Variants in BCAN observed in about 807,000 individuals in gnomAD.
BCAN encodes the protein brevican.
A neutral mutation model predicts 92.4 loss-of-function variants in BCAN; 51 were observed. The observed-to-expected ratio is 0.55, with a 90% CI of 0.44 to 0.70. The LOEUF (loss-of-function observed/expected upper bound fraction) is 0.70, where lower values mean the gene tolerates loss of function less well. BCAN is among the 30% of genes least tolerant of loss of function. The probability of loss-of-function intolerance (pLI) is 0.00; values close to 1 mark genes in which losing one functional copy is unlikely to be tolerated. For missense variants in BCAN, 1,140 were observed against 1,212.1 expected, an observed-to-expected ratio of 0.94 and a Z score of 0.88; for synonymous variants, 501 against 505.2, an observed-to-expected ratio of 0.99 and a Z score of 0.11.
chr1:156,658,956 C>A lies in BCAN; in HGVS notation c.2629-71C>A. On this transcript the variant is annotated intron_variant, in intron 13 of 13. Transcript: ENST00000329117. The surrounding 1 kb of genome is among the most constrained non-coding windows in gnomAD (Gnocchi z 4.4). ...TGGGCTCTTACGGGCTGAGCAAGAA[C>A]ATCAGAGGGCAGGCTCTGAGGAGAG... 1.4e-6 allele frequency: 2 copies of A among 1,432,660 alleles called. No individual in the cohort carries two copies. The highest frequency in any genetic ancestry group is 1.9e-6 in the Non-Finnish European group (2 of 1,045,280). 88.7% of individuals were successfully genotyped at this position (1,432,660 alleles called of 1,614,324 possible). A position where few individuals can be genotyped will look rare whatever the true frequency, so the allele number is the denominator to read the frequency against.
chr1:156,652,997 A>G (rs1557990697), intron 8 of BCAN, 105 bp downstream of exon 8: 25 of 1,545,400 alleles, frequency 1.6e-5, no homozygotes, highest in Non-Finnish European at 2.2e-5. Context: ...CATCATCCCA[A>G]ACTCTCCTGT....
chr1:156,651,469 T>C lies in BCAN; in HGVS notation c.1077T>C (p.Pro359=). The C allele has an allele frequency of 6.2e-7, 1 of 1,613,828 alleles. No individual in the cohort carries two copies. The highest frequency in any genetic ancestry group is 8.5e-7 in the Non-Finnish European group (1 of 1,179,952). ...NVYCFRDSAQ[P]SAIPEASNPA... ...CTCCTGCCACAGACTCGGCCCAGCC[T>C]TCTGCCATCCCTGAGGCCTCCAACC... Residue 359 remains proline, a synonymous_variant, in exon 7 of 14, where the codon CCT becomes CCC. Transcript: ENST00000329117.
At position 156,656,321 on chromosome 1, in the gene BCAN, G is replaced by A; in HGVS notation, c.1982G>A (p.Cys661Tyr). 2.1e-6 allele frequency: 3 copies of A among 1,445,988 alleles called. No homozygotes were observed. Among genetic ancestry groups the A allele is most frequent in the South Asian group, 3.5e-5 (2 of 57,668 alleles). The allele number at this position is 1,445,988 out of a possible 1,614,324, so 89.6% of individuals were successfully genotyped here. A position where few individuals can be genotyped will look rare whatever the true frequency, so the allele number is the denominator to read the frequency against. Residue 661 changes from cysteine (C) to tyrosine (Y), a missense_variant, in exon 9 of 14, where the codon TGC becomes TAC. Physicochemically the swap from Cys to Tyr is radical, Grantham distance 194. Coordinates refer to ENST00000329117, the MANE Select transcript of BCAN (RefSeq NM_021948.5). ...AGCCCCTGCCACAATGGTGGGACAT[G>A]CTTGGAGGAGGAGGAAGGGGTCCGC... ...VPSPCHNGGT[C>Y]LEEEEGVRCL...
rs545987577 is a variant in BCAN, at chr1:156,645,558, G to A, written c.-8-489G>A. Among the ~76,000 whole-genome samples, 3 of 152,268 alleles carry A rather than the reference G, an allele frequency of 2.0e-5. No homozygotes were observed. In the South Asian group the frequency reaches 6.2e-4, roughly 32 times the overall value. On this transcript the variant is annotated intron_variant, in intron 1 of 13. Transcript: ENST00000329117. ...AGGGACAGTCTAGAAGGCAGAAGAG[G>A]CTAAAGAGATACTATGGGAGAAGGC...
At chr1:156,653,224 T>C in intron 8 of BCAN, 1 of 1,277,786 alleles carries the variant, frequency 7.8e-7, no homozygotes, top group Non-Finnish European at 9.9e-7. Flanking sequence ...CCTCATCACC[T>C]ATTGCAGCCT....
chr1:156,648,445 A>G, intron 5 of BCAN, 123 bp from the exon 6 acceptor site: 9 of 1,051,792 alleles, frequency 8.6e-6, no homozygotes, highest in Non-Finnish European at 1.1e-5. Flanking sequence ...CCTATGAAGT[A>G]GAGTAGTTGA....
At position 156,658,581 on chromosome 1, in the gene BCAN, G is replaced by T. The variant is rs1467751325; in HGVS notation, c.2476G>T (p.Val826Leu). 3 of 1,614,044 alleles carry T rather than the reference G, an allele frequency of 1.9e-6. No homozygotes were observed. In the South Asian group the frequency reaches 3.3e-5, roughly 18 times the overall value. The change falls in exon 13 of 14, where the codon GTG becomes TTG. Residue 826 changes from valine (V) to leucine (L), a missense_variant. By Grantham distance (32) the Val-to-Leu change is conservative. Coordinates refer to ENST00000329117, the MANE Select transcript of BCAN (RefSeq NM_021948.5). This position sits in a 1 kb window ranked among gnomAD's most constrained non-coding sequence, Gnocchi z 4.4. Reference sequence around the variant, plus strand: ...GCCACCGGAGCTGCCCCTGGCTCAAGTGTTCGGCCGCCCACGGCTGCGCTA... The same window carrying T: ...GCCACCGGAGCTGCCCCTGGCTCAATTGTTCGGCCGCCCACGGCTGCGCTA... Reference protein sequence around the residue: ...GPPPELPLAQVFGRPRLRYEV... With the variant: ...GPPPELPLAQLFGRPRLRYEV...
In BCAN at chr1:156,658,931, T is replaced by C; in HGVS notation, c.2629-96T>C. 1 of 1,338,796 alleles carries C rather than the reference T, an allele frequency of 7.5e-7. No individual in the cohort carries two copies. The highest frequency in any genetic ancestry group is 1.0e-6 in the Non-Finnish European group (1 of 967,334). 82.9% of individuals were successfully genotyped at this position (1,338,796 alleles called of 1,614,324 possible). On this transcript the variant is annotated intron_variant, in intron 13 of 13. Transcript: ENST00000329117. This position sits in a 1 kb window ranked among gnomAD's most constrained non-coding sequence, Gnocchi z 4.4. ...TGTCTGATAACATGCAGCCCCATTC[T>C]GGGCTCTTACGGGCTGAGCAAGAAC...
rs946126651 is a variant in BCAN at position 156,653,228 on chromosome 1, G to A, written c.1942+336G>A. 3.2e-6 allele frequency: 4 copies of A among 1,268,774 alleles called. No individual in the cohort carries two copies. The South Asian group carries it at 1.1e-4, about 35-fold the overall frequency. The allele number at this position is 1,268,774 out of a possible 1,614,324, so 78.6% of individuals were successfully genotyped here. ...TCTCCAAGGGTCCTCATCACCTATT[G>A]CAGCCTTCAGGGCTCGGCCTATTTT... On this transcript the variant is annotated intron_variant, in intron 8 of 13. Transcript: ENST00000329117.
chr1:156,651,497 G>A lies in BCAN; in HGVS notation c.1105G>A (p.Ala369Thr), dbSNP rs1199030686. The change falls in exon 7 of 14, where the codon GCC becomes ACC. Residue 369 changes from alanine (A) to threonine (T), a missense_variant. Transcript: ENST00000329117. ...TGCCATCCCTGAGGCCTCCAACCCA[G>A]CCTCCAACCCAGCCTCTGATGGACT... ...PSAIPEASNPASNPASDGLEA... is the reference protein window; with the variant it reads ...PSAIPEASNPTSNPASDGLEA... The A allele has an allele frequency of 6.2e-7, 1 of 1,613,676 alleles. No individual in the cohort carries two copies. The highest frequency in any genetic ancestry group is 8.5e-7 in the Non-Finnish European group (1 of 1,179,868).
At chr1:156,656,249 G>A (rs755297707) in intron 8 of BCAN, 33 bp from the exon 9 acceptor site, 6 of 1,424,806 alleles carry the variant, frequency 4.2e-6, no homozygotes, top group African/African-American at 3.0e-5. Flanking sequence ...CGGCTGCCTC[G>A]CTCCCCCCGC....
At position 156,646,536 on chromosome 1, in the gene BCAN, A is replaced by G. The variant is rs1571437845; in HGVS notation, c.92-265A>G. ...CTAGGAATTTTGGAGAGGAAGTGGA[A>G]GACTCTGAGAGCAGGGCAAGGAATC... On this transcript the variant is annotated intron_variant, in intron 2 of 13. Transcript: ENST00000329117. The G allele has an allele frequency of 5.9e-5, 33 of 557,832 alleles. No individual in the cohort carries two copies. The East Asian group carries it at 1.0e-3, about 17-fold the overall frequency. The allele number at this position is 557,832 out of a possible 1,614,324, so 34.6% of individuals were successfully genotyped here.
Position 156,652,843 on chromosome 1 carries a change from G to A in BCAN, c.1893G>A (p.Leu631=). The A allele has an allele frequency of 1.2e-6, 2 of 1,613,878 alleles. No individual in the cohort carries two copies. Among genetic ancestry groups the A allele is most frequent in the Non-Finnish European group, 1.7e-6 (2 of 1,180,020 alleles). ...CCTCAGTGCAGGCCCAGCCAGTGCT[G>A]CCCACTGACAGCGCCAGCCGAGGTG... ...AGTSVQAQPV[L]PTDSASRGGV... Residue 631 remains leucine, a synonymous_variant, in exon 8 of 14, where the codon CTG becomes CTA. Coordinates refer to ENST00000329117, the MANE Select transcript of BCAN (RefSeq NM_021948.5).
At position 156,647,328 on chromosome 1, in the gene BCAN, T is replaced by G; in HGVS notation, c.466+153T>G. On this transcript the variant is annotated intron_variant, in intron 3 of 13. Coordinates refer to ENST00000329117, the MANE Select transcript of BCAN (RefSeq NM_021948.5). This position sits in a 1 kb window ranked among gnomAD's most constrained non-coding sequence, Gnocchi z 4.8. ...AGTGAGGAGACACGGGCCTTTGTTG[T>G]CTCCTTTCTCTCTTCAGGTGGAGGA... is the stretch of plus-strand genomic sequence containing the variant. 8.8e-7 allele frequency: 1 copy of G among 1,136,208 alleles called. No individual in the cohort carries two copies. The highest frequency in any genetic ancestry group is 1.7e-5 in the South Asian group (1 of 58,994). 70.4% of individuals were successfully genotyped at this position (1,136,208 alleles called of 1,614,324 possible). A position where few individuals can be genotyped will look rare whatever the true frequency, so the allele number is the denominator to read the frequency against.
In BCAN at chr1:156,658,005, C is replaced by G; in HGVS notation, c.2293-122C>G. The G allele has an allele frequency of 8.5e-7, 1 of 1,179,034 alleles. No homozygotes were observed. Among genetic ancestry groups the G allele is most frequent in the Non-Finnish European group, 1.2e-6 (1 of 839,212 alleles). 73.0% of individuals were successfully genotyped at this position (1,179,034 alleles called of 1,614,324 possible). A position where few individuals can be genotyped will look rare whatever the true frequency, so the allele number is the denominator to read the frequency against. On this transcript the variant is annotated intron_variant, in intron 11 of 13. Coordinates refer to ENST00000329117, the MANE Select transcript of BCAN (RefSeq NM_021948.5). This position sits in a 1 kb window ranked among gnomAD's most constrained non-coding sequence, Gnocchi z 4.4. The stretch of plus-strand genomic sequence containing the variant: ...TCCCCTTCCCCGGGAGATCCCCTAC[C>G]CCCTAGCCCTAACCTTCCCTCTCCT...
At position 156,647,014 on chromosome 1, in the gene BCAN, A is replaced by AGGCCT. The variant is rs1245107999; in HGVS notation, c.306_310dup (p.Tyr104TrpfsTer23). 1 of 1,612,922 alleles carries AGGCCT rather than the reference A, an allele frequency of 6.2e-7. No individual in the cohort carries two copies. Among genetic ancestry groups the AGGCCT allele is most frequent in the Non-Finnish European group, 8.5e-7 (1 of 1,179,480 alleles). ...CGGGGAGTGCGCGTCAAGGTGAACGAGGCCTACCGGTTCCGCGTGGCACTG... is the reference window on the plus strand; with the variant it reads ...CGGGGAGTGCGCGTCAAGGTGAACGAGGCCTGGCCTACCGGTTCCGCGTGGCACTG... On this transcript the variant is annotated frameshift_variant, in exon 3 of 14. Coordinates refer to ENST00000329117, the MANE Select transcript of BCAN (RefSeq NM_021948.5). LOFTEE classifies it high-confidence loss of function. The surrounding 1 kb of genome is among the most constrained non-coding windows in gnomAD (Gnocchi z 4.8).
At position 156,659,235 on chromosome 1, in the gene BCAN, G is replaced by A. The variant is rs1010706622; in HGVS notation, c.*101G>A. On this transcript the variant is annotated 3_prime_UTR_variant, in exon 14 of 14. Transcript: ENST00000329117. ...CCACCACAGGAAGTGACAACATGACGAGGGGTGGTACTGGAGTCCAGGTGA... is the reference window on the plus strand; with the variant it reads ...CCACCACAGGAAGTGACAACATGACAAGGGGTGGTACTGGAGTCCAGGTGA... 2 of 932,726 alleles carry A rather than the reference G, an allele frequency of 2.1e-6. No homozygotes were observed. Among genetic ancestry groups the A allele is most frequent in the African/African-American group, 1.7e-5 (1 of 59,548 alleles). The allele number at this position is 932,726 out of a possible 1,614,324, so 57.8% of individuals were successfully genotyped here.
intron 11 of BCAN, 143 bp downstream of exon 11, chr1:156,657,900 G>T: frequency 1.2e-6 from 1 of 834,996 alleles, no homozygotes; most frequent in Middle Eastern, 2.4e-4. Flanking sequence ...CTTCTCCCTG[G>T]GCTCTCCTCC....
Position 156,659,044 on chromosome 1 carries a change from A to C in BCAN, c.2646A>C (p.Pro882=), listed in dbSNP as rs1425332281. 1 of 1,600,826 alleles carries C rather than the reference A, an allele frequency of 6.2e-7. No homozygotes were observed. Residue 882 remains proline (P), a synonymous_variant, in exon 14 of 14, where the codon CCA becomes CCC. Coordinates refer to ENST00000329117, the MANE Select transcript of BCAN (RefSeq NM_021948.5). Reference sequence around the variant, plus strand: ...TTCCCCAGGCCCGAGCTCTGCACCCAGAGGAGGACCCAGAAGGACGTCAGG... The same window carrying C: ...TTCCCCAGGCCCGAGCTCTGCACCCCGAGGAGGACCCAGAAGGACGTCAGG... ...VPRRPARALH[P]EEDPEGRQGR...
Sources: gnomAD v4.1 joint callset for allele counts (sites outside exome capture counted in the v4.1 genomes callset) on GRCh38, gnomAD v4.1.1 for gene constraint, Gnocchi (gnomAD v3.1) non-coding constraint, MANE v1.5 for transcripts, NCBI Gene and HGNC (gene_info 2026-07-23, HGNC 2026-07-21) for gene names.